The following C12orf56 variants were observed in gnomAD, a reference collection of about 807,000 sequenced individuals.
C12orf56 encodes uncharacterized protein C12orf56.
In C12orf56, 71 loss-of-function variants were observed where a neutral mutation model predicts 69.9. The ratio of observed to expected loss-of-function variants is 1.02; its 90% CI spans 0.84 to 1.24. The LOEUF (loss-of-function observed/expected upper bound fraction) is 1.24, where lower values mean the gene tolerates loss of function less well. Among genes scored for constraint, C12orf56 ranks in the 50% most tolerant of loss-of-function variants. The probability of loss-of-function intolerance (pLI) is 0.00; values close to 1 mark genes in which losing one functional copy is unlikely to be tolerated. For missense variants in C12orf56, 732 were observed against 738.5 expected, an observed-to-expected ratio of 0.99 and a Z score of 0.10; for synonymous variants, 276 against 274.1, an observed-to-expected ratio of 1.01 and a Z score of -0.07.
At chr12:64,362,566 CCTGTAATCTCAG>C (rs889551374) in intron 1 of C12orf56, among the ~76,000 whole-genome samples, 5 of 152,066 alleles carry the variant, frequency 3.3e-5, no homozygotes, top group African/African-American at 1.2e-4. Context: ...GTTTTGGGTG[CCTGTAATCTCAG>C]CTATTCAGGA....
chr12:64,300,495 A>G (rs944711140), intron 6 of C12orf56, among the ~76,000 whole-genome samples: 3 of 152,136 alleles, frequency 2.0e-5, no homozygotes, highest in African/African-American at 7.2e-5. Context: ...TCTCCTACCT[A>G]GACATGCACT....
At chr12:64,271,982 C>T (rs1212790270) in intron 11 of C12orf56, among the ~76,000 whole-genome samples, 3 of 152,146 alleles carry the variant, frequency 2.0e-5, no homozygotes, top group African/African-American at 7.2e-5. Context: ...AACCCTTCAT[C>T]CTTACATGCT....
At chr12:64,356,475 G>A (rs1379572055) in intron 1 of C12orf56, among the ~76,000 whole-genome samples, 2 of 152,162 alleles carry the variant, frequency 1.3e-5, no homozygotes, top group Non-Finnish European at 2.9e-5. Context: ...CCTGATGCAG[G>A]TAGCCCCTAC....
intron 5 of C12orf56, among the ~76,000 whole-genome samples, chr12:64,308,461 T>A (rs983773197): frequency 4.6e-5 from 7 of 152,148 alleles, no homozygotes; most frequent in South Asian, 4.1e-4. Flanking sequence ...TTTCAAAAAA[T>A]TTTTTTCTAT....
At chr12:64,313,859 A>G (rs758667406) in intron 4 of C12orf56, among the ~76,000 whole-genome samples, 10 of 151,540 alleles carry the variant, frequency 6.6e-5, no homozygotes, top group Non-Finnish European at 1.0e-4. Context: ...CCTGGTCAAC[A>G]TGGTGAAACC....
intron 2 of C12orf56, 77 bp from the exon 3 acceptor site, chr12:64,331,109 C>T (rs1211506889): frequency 1.2e-5 from 15 of 1,213,490 alleles, no homozygotes; most frequent in Non-Finnish European, 1.6e-5. Context: ...GTCTCATGTA[C>T]TGATTAAATG....
intron 1 of C12orf56, among the ~76,000 whole-genome samples, chr12:64,354,884 G>C (rs2039286499): frequency 6.6e-6 from 1 of 150,884 alleles, no homozygotes; most frequent in Non-Finnish European, 1.5e-5. Context: ...TTCGAGACCA[G>C]CCTGACCAAC....
intron 6 of C12orf56, among the ~76,000 whole-genome samples, chr12:64,295,417 G>A (rs1026371675): frequency 1.3e-5 from 2 of 152,094 alleles, no homozygotes; most frequent in Non-Finnish European, 2.9e-5. Flanking sequence ...CCAGCACTTT[G>A]GGAGGCTGAG....
chr12:64,317,260 G>A (rs1007756131), intron 4 of C12orf56, among the ~76,000 whole-genome samples: 2 of 151,966 alleles, frequency 1.3e-5, no homozygotes, highest in Non-Finnish European at 2.9e-5. Flanking sequence ...TGGCTTCCTA[G>A]TTTCTTCTAT....
At chr12:64,322,082 C>A (rs1029344715) in intron 3 of C12orf56, among the ~76,000 whole-genome samples, 1 of 151,266 alleles carries the variant, frequency 6.6e-6, no homozygotes, top group African/African-American at 2.4e-5. Context: ...TGGGCTCAAG[C>A]GATCCTCTAG....
chr12:64,361,739 T>C (rs921642288), intron 1 of C12orf56, among the ~76,000 whole-genome samples: 1 of 149,630 alleles, frequency 6.7e-6, no homozygotes, highest in African/African-American at 2.4e-5. Flanking sequence ...TTCCTTTACT[T>C]TTTTTTTTTT....
At chr12:64,362,076 G>C (rs762208278) in intron 1 of C12orf56, among the ~76,000 whole-genome samples, 6 of 151,856 alleles carry the variant, frequency 4.0e-5, no homozygotes, top group Non-Finnish European at 7.4e-5. Flanking sequence ...TTATGGACTC[G>C]CCTCGAATTC....
chr12:64,369,778 C>T (rs2039544937), intron 1 of C12orf56, among the ~76,000 whole-genome samples: 2 of 151,416 alleles, frequency 1.3e-5, no homozygotes, highest in Admixed American at 6.6e-5. Flanking sequence ...GTCAAGAGTT[C>T]GAGACCAGCC....
intron 3 of C12orf56, among the ~76,000 whole-genome samples, chr12:64,321,984 T>C (rs1230437076): frequency 6.7e-6 from 1 of 149,570 alleles, no homozygotes; most frequent in African/African-American, 2.4e-5. Context: ...TTTCATTAAT[T>C]TTTTTTTACA....
intron 3 of C12orf56, among the ~76,000 whole-genome samples, chr12:64,325,700 A>G (rs1248459591): frequency 1.3e-5 from 2 of 152,124 alleles, no homozygotes; most frequent in Admixed American, 1.3e-4. Flanking sequence ...AGAAGGGGAG[A>G]CTTGAGTACC....
At chr12:64,270,867 A>G (rs1226208409) in intron 11 of C12orf56, among the ~76,000 whole-genome samples, 153 bp from the exon 12 acceptor site, 1 of 152,222 alleles carries the variant, frequency 6.6e-6, no homozygotes, top group Non-Finnish European at 1.5e-5. Context: ...TCCAATGTCA[A>G]ATAAAAAGTA....
Position 64,275,321 on chromosome 12 carries a change from C to T in C12orf56, c.1486G>A (p.Glu496Lys). 7.0e-7 allele frequency: 1 copy of T among 1,436,564 alleles called. No homozygotes were observed. The allele number at this position is 1,436,564 out of a possible 1,614,324, so 89.0% of individuals were successfully genotyped here. Reference sequence around the variant, plus strand: ...ACCTGCTGAAAGACCAGAAGTATCTCATATAAAAGTGCTGTAGCAGTATTT... The same window carrying T: ...ACCTGCTGAAAGACCAGAAGTATCTTATATAAAAGTGCTGTAGCAGTATTT... ...YTNTATALLY[E>K]ILLVFQQGNL... Residue 496 changes from glutamate to lysine, a missense_variant, in exon 10 of 13, where the codon GAG (glutamate) becomes AAG (lysine). By Grantham distance (56) the Glu-to-Lys change is moderately conservative. Coordinates refer to ENST00000543942, the MANE Select transcript of C12orf56 (RefSeq NM_001170633.2).
intron 4 of C12orf56, among the ~76,000 whole-genome samples, chr12:64,316,648 C>T (rs1435402513): frequency 1.3e-5 from 2 of 150,752 alleles, no homozygotes; most frequent in African/African-American, 2.4e-5. Flanking sequence ...AAAAATCAGA[C>T]TACCTAGATT....
At chr12:64,269,839 T>C (rs1328271154) in intron 12 of C12orf56, among the ~76,000 whole-genome samples, 1 of 152,068 alleles carries the variant, frequency 6.6e-6, no homozygotes, top group Non-Finnish European at 1.5e-5. Flanking sequence ...TCTGCCCGGC[T>C]CAGCCTCCCA....
Sources: gnomAD v4.1 joint callset for allele counts (sites outside exome capture counted in the v4.1 genomes callset) on GRCh38, gnomAD v4.1.1 for gene constraint, MANE v1.5 for transcripts, NCBI Gene and HGNC (gene_info 2026-07-23, HGNC 2026-07-21) for gene names.